STAU1: variants seen among roughly 807,000 people sequenced by gnomAD.
The protein encoded by STAU1 is double-stranded RNA-binding protein Staufen homolog 1.
In STAU1, 13 loss-of-function variants were observed where a neutral mutation model predicts 62.9. That is an observed-to-expected ratio of 0.21 (90% CI 0.13 to 0.33). The LOEUF (loss-of-function observed/expected upper bound fraction) is 0.33, where lower values mean the gene tolerates loss of function less well. Ranked by LOEUF, STAU1 falls within the 10% of genes least tolerant of loss-of-function variation. STAU1 has a pLI of 1.00. For missense variants in STAU1, 571 were observed against 712.1 expected (o/e 0.80, Z 2.25); for synonymous variants, 269 against 265.1 (o/e 1.01, Z -0.14).
intron 2 of STAU1, among the ~76,000 whole-genome samples, chr20:49,168,574 T>C (rs1170046935): frequency 1.3e-5 from 2 of 151,634 alleles, no homozygotes; most frequent in African/African-American, 4.8e-5. Context: ...ACTAGGTAAA[T>C]TTAAATTTCC....
At chr20:49,133,158 A>G (rs1487579596) in intron 6 of STAU1, among the ~76,000 whole-genome samples, 1 of 152,264 alleles carries the variant, frequency 6.6e-6, no homozygotes, top group East Asian at 1.9e-4. Context: ...CACAGAGTTG[A>G]GAGCCAGATC....
rs527810153 is a variant in STAU1, at chr20:49,120,018, C to T, written c.1077G>A (p.Ala359=). 1.6e-4 allele frequency: 253 copies of T among 1,614,152 alleles called. 1 individual carries two copies. The highest frequency in any genetic ancestry group is 1.4e-3 in the South Asian group (131 of 91,080). Residue 359 remains alanine (A), a synonymous_variant, in exon 9 of 14, where the codon GCG becomes GCA. Transcript: ENST00000371856. ...ACTTGAGTGCGGGTTTGGTGGGCTG[C>T]GCCTGCGGGACTTTGAAACCAAGGA... ...LEILGFKVPQ[A]QPTKPALKSE...
chr20:49,114,537 CAG>C lies in STAU1; in HGVS notation c.*339_*340del, dbSNP rs745830793. The C allele has an allele frequency of 7.8e-5, 23 of 295,570 alleles. No individual in the cohort carries two copies. The highest frequency in any genetic ancestry group is 1.2e-4 in the Non-Finnish European group (19 of 157,548). The allele number at this position is 295,570 out of a possible 1,614,324, so 18.3% of individuals were successfully genotyped here. On this transcript the variant is annotated 3_prime_UTR_variant, in exon 14 of 14. Coordinates refer to ENST00000371856, the MANE Select transcript of STAU1 (RefSeq NM_017453.4). ...GGGTCGTGCCGTTTCTTCTTTCACA[CAG>C]GGGAAAAAAAAGACCAAACACGGAG...
At chr20:49,118,440 T>C (rs879058692) in intron 9 of STAU1, 32 bp from the exon 10 acceptor site, 8 of 1,518,624 alleles carry the variant, frequency 5.3e-6, no homozygotes, top group Non-Finnish European at 6.3e-6. Context: ...AAAAAGGCCA[T>C]GAGCATAAAT....
chr20:49,166,272 G>T lies in STAU1; in HGVS notation c.-71C>A. The stretch of plus-strand genomic sequence containing the variant: ...GTGCAGGTTAATTCAGTGCTATGAA[G>T]TCTAAAGTTCTACCTAAAAGTTGTA... On this transcript the variant is annotated 5_prime_UTR_variant, in exon 3 of 14. Transcript: ENST00000371856. 7.3e-7 allele frequency: 1 copy of T among 1,377,434 alleles called. No homozygotes were observed. Among genetic ancestry groups the T allele is most frequent in the Non-Finnish European group, 1.0e-6 (1 of 984,290 alleles). 85.3% of individuals were successfully genotyped at this position (1,377,434 alleles called of 1,614,324 possible). A position where few individuals can be genotyped will look rare whatever the true frequency, so the allele number is the denominator to read the frequency against.
the STAU1 span, among the ~76,000 whole-genome samples, chr20:49,218,611 G>GA: frequency 6.6e-6 from 1 of 151,958 alleles, no homozygotes; most frequent in Admixed American, 6.6e-5. Flanking sequence ...GGGTTGTCTG[G>GA]AACTCCTGAG....
chr20:49,214,767 C>T, the STAU1 span, among the ~76,000 whole-genome samples: 1 of 152,162 alleles, frequency 6.6e-6, no homozygotes, highest in South Asian at 2.1e-4. Context: ...TTTTCTCTGA[C>T]TCCACATTGC....
upstream of STAU1, among the ~76,000 whole-genome samples, chr20:49,191,118 C>T (rs1023839934): frequency 2.6e-5 from 4 of 151,904 alleles, no homozygotes; most frequent in Admixed American, 2.0e-4. Flanking sequence ...ACCTCCACCT[C>T]CCGGGCTCAA....
rs2092309774 is a variant in STAU1, at chr20:49,115,843, G to T, written c.1657C>A (p.Leu553Met). Residue 553 changes from leucine to methionine, a missense_variant, in exon 13 of 14, where the codon CTG (leucine) becomes ATG (methionine). Physicochemically the swap from Leu to Met is conservative, Grantham distance 15. Around this residue, in one of 3 missense-constraint regions of STAU1, gnomAD observed 156 missense variants for 194.7 expected, o/e 0.80. Coordinates refer to ENST00000371856, the MANE Select transcript of STAU1 (RefSeq NM_017453.4). ...DMAALNILKL[L>M]SELDQQSTEM... Reference sequence around the variant, plus strand: ...GTACTTTGTTGGTCCAACTCAGACAGCAACTTTAAGATGTTCAGCGCAGCC... The same window carrying T: ...GTACTTTGTTGGTCCAACTCAGACATCAACTTTAAGATGTTCAGCGCAGCC... 6.2e-7 allele frequency: 1 copy of T among 1,613,948 alleles called. No individual in the cohort carries two copies. Among genetic ancestry groups the T allele is most frequent in the Non-Finnish European group, 8.5e-7 (1 of 1,179,994 alleles).
chr20:49,125,408 T>C (rs571053411), intron 6 of STAU1, among the ~76,000 whole-genome samples: 1 of 150,640 alleles, frequency 6.6e-6, no homozygotes, highest in African/African-American at 2.4e-5. Flanking sequence ...TGCACACCTG[T>C]AATCCCAGCT....
At chr20:49,210,886 G>A in the STAU1 span, among the ~76,000 whole-genome samples, 1,313 of 152,128 alleles carry the variant, frequency 8.6e-3, 24 homozygotes, top group African/African-American at 0.028. Context: ...TTATGCAACC[G>A]TAATCTCTAT....
In STAU1 at chr20:49,180,604, G is replaced by A. The variant is rs571843438; in HGVS notation, c.-159-6335C>T. Among the ~76,000 whole-genome samples the A allele has an allele frequency of 1.2e-4, 18 of 152,326 alleles. 1 individual carries two copies. The East Asian group carries it at 3.5e-3, about 29-fold the overall frequency. ...CTCCCAAAGTGACGGAATTACAGGC[G>A]TGGGCCACCATGCCAGCAATTTTTA... On this transcript the variant is annotated intron_variant, in intron 1 of 13. Coordinates refer to ENST00000371856, the MANE Select transcript of STAU1 (RefSeq NM_017453.4).
At chr20:49,183,469 G>A (rs1436813806) in intron 1 of STAU1, among the ~76,000 whole-genome samples, 4 of 152,124 alleles carry the variant, frequency 2.6e-5, no homozygotes, top group East Asian at 1.9e-4. Flanking sequence ...CAGCCTGGGC[G>A]ACAAACTCTG....
At chr20:49,138,184 GA>G (rs1176893540) in intron 5 of STAU1, among the ~76,000 whole-genome samples, 1 of 152,122 alleles carries the variant, frequency 6.6e-6, no homozygotes, top group African/African-American at 2.4e-5. Flanking sequence ...TTGGGAGGCT[GA>G]GGGGAGAGGA....
At chr20:49,184,094 T>G (rs1245933487) in intron 1 of STAU1, among the ~76,000 whole-genome samples, 1 of 152,076 alleles carries the variant, frequency 6.6e-6, no homozygotes, top group African/African-American at 2.4e-5. Context: ...CCAGCCCGGC[T>G]AATTTTTTTT....
chr20:49,118,321 G>C lies in STAU1; in HGVS notation c.1189+12C>G. The C allele has an allele frequency of 6.2e-7, 1 of 1,608,906 alleles. No homozygotes were observed. The highest frequency in any genetic ancestry group is 1.1e-5 in the South Asian group (1 of 90,320). ...CACGTTCAGAGGAAGACGATATTAA[G>C]ATCACACTTACTAGTCCCATTTTCA... On this transcript the variant is annotated intron_variant, in intron 10 of 13. Transcript: ENST00000371856.
chr20:49,216,245 G>C, the STAU1 span, among the ~76,000 whole-genome samples: 1 of 151,804 alleles, frequency 6.6e-6, no homozygotes, highest in African/African-American at 2.4e-5. Context: ...ATCCCTCAAG[G>C]CTGGGTGCGG....
chr20:49,187,666 G>C (rs1043621982), intron 1 of STAU1, among the ~76,000 whole-genome samples: 1 of 152,004 alleles, frequency 6.6e-6, no homozygotes, highest in African/African-American at 2.4e-5. Flanking sequence ...GGGCAGAGCC[G>C]GGTTCGGCAC....
the STAU1 span, among the ~76,000 whole-genome samples, chr20:49,195,556 AAAAAAGAT>A: frequency 4.4e-5 from 6 of 137,014 alleles, no homozygotes; most frequent in Admixed American, 7.5e-5. Context: ...AAAAAAAAAA[AAAAAAGAT>A]AGCAACAGAC....
Sources: gnomAD v4.1 joint callset for allele counts (sites outside exome capture counted in the v4.1 genomes callset) on GRCh38, gnomAD v4.1.1 for gene constraint, gnomAD v4.1.1 regional missense constraint, MANE v1.5 for transcripts, NCBI Gene and HGNC (gene_info 2026-07-23, HGNC 2026-07-21) for gene names.